Variants in CNTN5 observed in about 807,000 individuals in gnomAD.
CNTN5 encodes contactin-5.
In CNTN5, 77 loss-of-function variants were observed where a neutral mutation model predicts 129.1. The observed-to-expected ratio is 0.60, with a 90% confidence interval of 0.50 to 0.72. The LOEUF is 0.72. Ranked by LOEUF, CNTN5 falls within the 30% of genes least tolerant of loss-of-function variation. CNTN5 has a pLI of 0.00. For missense variants in CNTN5, 1,478 were observed against 1,328.8 expected (o/e 1.11, Z -1.75); for synonymous variants, 509 against 465.6 (o/e 1.09, Z -1.20).
intron 3 of CNTN5, among the ~76,000 whole-genome samples, chr11:99,808,751 C>T (rs76902916): frequency 0.029 from 4,345 of 152,210 alleles, 176 homozygotes; most frequent in Admixed American, 0.09. Context: ...TCAAATTTCA[C>T]CTCTACTGCC....
intron 18 of CNTN5, among the ~76,000 whole-genome samples, chr11:100,285,348 C>T (rs575670700): frequency 3.3e-5 from 5 of 152,294 alleles, no homozygotes; most frequent in African/African-American, 4.8e-5. Context: ...CCACTGCAGA[C>T]AGCCAGCGTT....
At chr11:99,997,332 G>A (rs566612448) in intron 8 of CNTN5, among the ~76,000 whole-genome samples, 2 of 152,006 alleles carry the variant, frequency 1.3e-5, no homozygotes, top group African/African-American at 4.8e-5. Context: ...GTGATGTTAG[G>A]GTGTCAATTT....
intron 1 of CNTN5, among the ~76,000 whole-genome samples, chr11:99,025,576 A>C (rs1863076891): frequency 6.6e-6 from 1 of 151,708 alleles, no homozygotes; most frequent in Non-Finnish European, 1.5e-5. Flanking sequence ...AGTTGATTGA[A>C]ATTCTCTTCC....
intron 13 of CNTN5, among the ~76,000 whole-genome samples, chr11:100,118,416 C>A (rs891728317): frequency 6.6e-6 from 1 of 151,794 alleles, no homozygotes; most frequent in Non-Finnish European, 1.5e-5. Context: ...CTATGCCTAT[C>A]TATTATTATT....
At chr11:100,277,248 A>G (rs1328877154) in intron 18 of CNTN5, among the ~76,000 whole-genome samples, 1 of 152,208 alleles carries the variant, frequency 6.6e-6, no homozygotes, top group East Asian at 1.9e-4. Context: ...AGTTGCTTCC[A>G]GATATTGGCT....
intron 18 of CNTN5, among the ~76,000 whole-genome samples, chr11:100,275,184 A>G (rs1375878709): frequency 6.6e-6 from 1 of 152,110 alleles, no homozygotes; most frequent in Non-Finnish European, 1.5e-5. Flanking sequence ...TTTGCCTATT[A>G]TAAGTTGTTT....
chr11:99,840,607 G>A (rs1231528079), intron 4 of CNTN5, among the ~76,000 whole-genome samples: 1 of 151,878 alleles, frequency 6.6e-6, no homozygotes, highest in Non-Finnish European at 1.5e-5. Context: ...CAGATACCTA[G>A]CAGTTTGTTA....
At chr11:100,305,147 A>G (rs1951318813) in intron 20 of CNTN5, among the ~76,000 whole-genome samples, 1 of 151,674 alleles carries the variant, frequency 6.6e-6, no homozygotes, top group East Asian at 2.0e-4. Context: ...AAACAGAGGA[A>G]AGAGCATTTG....
At chr11:100,239,263 T>C (rs1026361155) in intron 16 of CNTN5, among the ~76,000 whole-genome samples, 1 of 152,138 alleles carries the variant, frequency 6.6e-6, no homozygotes, top group Non-Finnish European at 1.5e-5. Flanking sequence ...TTAAACAAAA[T>C]CACCAAGAAG....
In CNTN5 at chr11:99,583,547, G is replaced by A. The variant is rs562305179; in HGVS notation, c.55+27278G>A. Among the ~76,000 whole-genome samples, 17 of 152,264 alleles carry A rather than the reference G, an allele frequency of 1.1e-4. No homozygotes were observed. The South Asian group carries it at 2.5e-3, about 22-fold the overall frequency. ...TGGTGGGTGCCCCTCCCCCAGCCTC[G>A]CTGCCTCCTTGCAGTTAGATCTCAG... is the stretch of plus-strand genomic sequence containing the variant. On this transcript the variant is annotated intron_variant, in intron 3 of 24. Transcript: ENST00000524871.
At chr11:99,802,583 C>T (rs1464581142) in intron 3 of CNTN5, among the ~76,000 whole-genome samples, 2 of 152,154 alleles carry the variant, frequency 1.3e-5, no homozygotes, top group African/African-American at 4.8e-5. Context: ...AACCTAAACT[C>T]CTAATCTAGG....
chr11:99,583,689 G>C (rs182259344), intron 3 of CNTN5, among the ~76,000 whole-genome samples: 2 of 152,316 alleles, frequency 1.3e-5, no homozygotes, highest in African/African-American at 4.8e-5. Flanking sequence ...CAGTATTAGG[G>C]TGGGAGTGAC....
At position 99,316,905 on chromosome 11, in the gene CNTN5, G is replaced by A. The variant is rs1481921961; in HGVS notation, c.-209-8441G>A. 2.0e-5 allele frequency among the ~76,000 whole-genome samples: 3 copies of A among 152,214 alleles called. No homozygotes were observed. In the South Asian group the frequency reaches 6.2e-4, roughly 32 times the overall value. The stretch of plus-strand genomic sequence containing the variant: ...CCAGGCTGCCAGGCTGTTTTTCATG[G>A]GTGTTACTCGACTGACAGTACCTTC... On this transcript the variant is annotated intron_variant, in intron 1 of 24. Coordinates refer to ENST00000524871, the MANE Select transcript of CNTN5 (RefSeq NM_014361.4).
intron 2 of CNTN5, among the ~76,000 whole-genome samples, chr11:99,360,270 C>T (rs1036149859): frequency 6.6e-6 from 1 of 152,098 alleles, no homozygotes; most frequent in South Asian, 2.1e-4. Context: ...ATGTCTGTAG[C>T]GCTCCTGGGC....
At chr11:99,711,504 T>G (rs536062486) in intron 3 of CNTN5, among the ~76,000 whole-genome samples, 1 of 152,016 alleles carries the variant, frequency 6.6e-6, no homozygotes, top group Non-Finnish European at 1.5e-5. Context: ...TATTATACTT[T>G]AAGTTCTGGG....
chr11:99,867,737 G>T (rs1001079006), intron 6 of CNTN5, among the ~76,000 whole-genome samples: 2 of 152,084 alleles, frequency 1.3e-5, no homozygotes, highest in African/African-American at 2.4e-5. Context: ...ATAAGGTCAG[G>T]TGATTAACAG....
chr11:99,478,230 G>GT (rs1174852170), intron 2 of CNTN5, among the ~76,000 whole-genome samples: 1 of 152,056 alleles, frequency 6.6e-6, no homozygotes, highest in African/African-American at 2.4e-5. Flanking sequence ...TAAAACTGGG[G>GT]TTTTATCTGA....
At chr11:99,731,389 T>C (rs548566197) in intron 3 of CNTN5, among the ~76,000 whole-genome samples, 1 of 152,298 alleles carries the variant, frequency 6.6e-6, no homozygotes, top group African/African-American at 2.4e-5. Context: ...ACTTCTTTTA[T>C]ACTGAAAAGA....
Position 99,961,212 on chromosome 11 carries a change from A to G in CNTN5, c.877+4203A>G, listed in dbSNP as rs1167727777. Among the ~76,000 whole-genome samples the G allele has an allele frequency of 1.0e-3, 147 of 142,180 alleles. 2 individuals are homozygous for G. Among genetic ancestry groups the G allele is most frequent in the African/African-American group, 3.3e-3 (134 of 40,770 alleles). The allele number at this position is 142,180 out of a possible 152,430, so 93.3% of individuals were successfully genotyped here. A position where few individuals can be genotyped will look rare whatever the true frequency, so the allele number is the denominator to read the frequency against. On this transcript the variant is annotated intron_variant, in intron 8 of 24. Transcript: ENST00000524871. ...AGAGTGAGACTCCGTCTCAGAAAAA[A>G]AAAAAAAAAAAAACAGTAGAATATA...
Sources: allele counts gnomAD v4.1 joint callset (sites outside exome capture counted in the v4.1 genomes callset), GRCh38; gene constraint gnomAD v4.1.1; transcripts MANE v1.5; gene names NCBI Gene and HGNC (gene_info 2026-07-23, HGNC 2026-07-21).